Variants in RTN4 observed in about 807,000 individuals in gnomAD.
RTN4 encodes the protein reticulon-4.
In RTN4, 32 loss-of-function variants were observed where a neutral mutation model predicts 90.4. That is an observed-to-expected ratio of 0.35 (90% CI 0.27 to 0.48). The LOEUF is 0.48. Ranked by LOEUF, RTN4 falls within the 20% of genes least tolerant of loss-of-function variation. RTN4 has a pLI of 0.99. For synonymous variants in RTN4, 629 were observed against 552.5 expected (o/e 1.14, Z -1.94); for missense variants, 1,706 against 1,430.2 (o/e 1.19, Z -3.11).
At chr2:55,016,614 T>A (rs1023408170) in intron 3 of RTN4, among the ~76,000 whole-genome samples, 1 of 152,050 alleles carries the variant, frequency 6.6e-6, no homozygotes, top group African/African-American at 2.4e-5. Flanking sequence ...CACATGTGCA[T>A]TGAAAGTAGA....
chr2:55,050,023 G>A lies in RTN4; in HGVS notation c.278C>T (p.Pro93Leu). The A allele has an allele frequency of 5.8e-6, 8 of 1,391,232 alleles. No homozygotes were observed. The South Asian group carries it at 1.1e-4, about 19-fold the overall frequency. The allele number at this position is 1,391,232 out of a possible 1,614,324, so 86.2% of individuals were successfully genotyped here. A position where few individuals can be genotyped will look rare whatever the true frequency, so the allele number is the denominator to read the frequency against. ...GGCGACGGGGGGAGCGGCCGGCAGGGGTCCCCGGGGCGCCGGCGGCACGAA... is the reference window on the plus strand; with the variant it reads ...GGCGACGGGGGGAGCGGCCGGCAGGAGTCCCCGGGGCGCCGGCGGCACGAA... Reference protein sequence around the residue: ...NDFVPPAPRGPLPAAPPVAPE... With the variant: ...NDFVPPAPRGLLPAAPPVAPE... The change falls in exon 1 of 9, where the codon CCC becomes CTC. Residue 93 changes from proline (P) to leucine (L), a missense_variant. Coordinates refer to ENST00000337526, the MANE Select transcript of RTN4 (RefSeq NM_020532.5). The surrounding 1 kb of genome is among the most constrained non-coding windows in gnomAD (Gnocchi z 4.6).
chr2:54,982,775 C>T (rs1227098550), intron 4 of RTN4, 122 bp from the exon 5 acceptor site: 2 of 1,056,542 alleles, frequency 1.9e-6, no homozygotes, highest in African/African-American at 3.3e-5. Context: ...CAACTGTTTC[C>T]AAATTAGGGG....
intron 1 of RTN4, among the ~76,000 whole-genome samples, chr2:55,041,309 G>A (rs573443525): frequency 5.9e-5 from 9 of 151,866 alleles, no homozygotes; most frequent in South Asian, 4.2e-4. Flanking sequence ...TATCAACACC[G>A]AATGTATTTC....
chr2:55,137,808 C>T, the RTN4 span, among the ~76,000 whole-genome samples: 2 of 152,162 alleles, frequency 1.3e-5, no homozygotes, highest in African/African-American at 4.8e-5. Context: ...CGGAACCTGC[C>T]GCAGGCCTGT....
chr2:55,085,639 A>G (rs537482574), intron 1 of RTN4, among the ~76,000 whole-genome samples: 2 of 152,284 alleles, frequency 1.3e-5, no homozygotes, highest in South Asian at 4.1e-4. Flanking sequence ...TGCTCAAATA[A>G]CTGGGCACCA....
intron 1 of RTN4, among the ~76,000 whole-genome samples, chr2:55,086,486 T>C (rs1668840095): frequency 1.1e-5 from 1 of 88,388 alleles, no homozygotes; most frequent in South Asian, 4.0e-4. Context: ...CATAGCCTGA[T>C]CTAATCTCTA....
intron 6 of RTN4, 71 bp downstream of exon 6, chr2:54,974,624 A>G (rs940275160): frequency 1.6e-6 from 2 of 1,214,880 alleles, no homozygotes; most frequent in Non-Finnish European, 2.4e-6. Flanking sequence ...AATATTCTCC[A>G]CTAAAATGTC....
At chr2:55,030,663 G>C (rs970790380) in intron 1 of RTN4, among the ~76,000 whole-genome samples, 7 of 152,164 alleles carry the variant, frequency 4.6e-5, no homozygotes, top group African/African-American at 1.7e-4. Context: ...CTAAGTCACA[G>C]AACTAGGAGG....
chr2:55,042,337 G>C (rs1441444732), intron 1 of RTN4, among the ~76,000 whole-genome samples: 1 of 152,088 alleles, frequency 6.6e-6, no homozygotes, highest in Non-Finnish European at 1.5e-5. Flanking sequence ...GTGTATACAA[G>C]AGTGTTCACA....
intron 3 of RTN4, among the ~76,000 whole-genome samples, chr2:55,021,642 C>T (rs1192746451): frequency 6.6e-6 from 1 of 152,092 alleles, no homozygotes; most frequent in Non-Finnish European, 1.5e-5. Context: ...CTGCTTTTAA[C>T]AGATGCCTGT....
At chr2:55,124,230 G>T in the RTN4 span, among the ~76,000 whole-genome samples, 3 of 152,180 alleles carry the variant, frequency 2.0e-5, no homozygotes, top group East Asian at 5.8e-4. Flanking sequence ...TCCTGAGGAG[G>T]GGGCATAGCA....
chr2:55,046,543 C>T (rs547119819), intron 1 of RTN4, among the ~76,000 whole-genome samples: 1 of 152,168 alleles, frequency 6.6e-6, no homozygotes, highest in Non-Finnish European at 1.5e-5. Context: ...CCATAAATCC[C>T]CATCATTCTC....
intron 5 of RTN4, among the ~76,000 whole-genome samples, 156 bp from the exon 6 acceptor site, chr2:54,974,920 G>C (rs1195750156): frequency 6.6e-6 from 1 of 152,154 alleles, no homozygotes; most frequent in Non-Finnish European, 1.5e-5. Context: ...TAAGTCACGA[G>C]TCTCAATTAT....
At chr2:55,113,062 G>A (rs1668066266), upstream of RTN4, among the ~76,000 whole-genome samples, 2 of 152,200 alleles carry the variant, frequency 1.3e-5, no homozygotes, top group African/African-American at 2.4e-5. Flanking sequence ...GCCACACTGT[G>A]ATTCCAGGGC....
In RTN4 at chr2:55,025,461, C is replaced by A. The variant is rs994258366; in HGVS notation, c.2638G>T (p.Asp880Tyr). The change falls in exon 3 of 9, where the codon GAT (aspartate) becomes TAT (tyrosine). Residue 880 changes from aspartate to tyrosine, a missense_variant. Transcript: ENST00000337526. The stretch of plus-strand genomic sequence containing the variant: ...TCCCTGGCTAATTTAGAAAATGAAT[C>A]AGTTTTAGAACTGATCAATGTAGGG... ...EFPTLISSKT[D>Y]SFSKLAREYT... The A allele has an allele frequency of 1.9e-6, 3 of 1,613,588 alleles. No homozygotes were observed. The African/African-American group carries it at 4.0e-5, about 22-fold the overall frequency.
chr2:54,996,650 T>C (rs559167938), intron 3 of RTN4, among the ~76,000 whole-genome samples: 3 of 152,252 alleles, frequency 2.0e-5, no homozygotes, highest in African/African-American at 4.8e-5. Context: ...ACAAATGACG[T>C]TGGATTCTTC....
At chr2:55,132,787 C>T in the RTN4 span, among the ~76,000 whole-genome samples, 2 of 137,788 alleles carry the variant, frequency 1.5e-5, no homozygotes, top group African/African-American at 5.7e-5. Flanking sequence ...GCACTCCAGC[C>T]TGGGCCACAG....
chr2:55,044,382 C>A (rs1683276560), intron 1 of RTN4, among the ~76,000 whole-genome samples: 2 of 151,764 alleles, frequency 1.3e-5, no homozygotes, highest in Non-Finnish European at 2.9e-5. Flanking sequence ...CAGAGTAAGA[C>A]TCTGTCTCAA....
At chr2:54,991,992 T>A (rs991043515) in intron 3 of RTN4, among the ~76,000 whole-genome samples, 2 of 152,208 alleles carry the variant, frequency 1.3e-5, no homozygotes, top group African/African-American at 4.8e-5. Context: ...ACCTCCTTTA[T>A]GCCAAACACT....
Sources: gnomAD v4.1 joint callset for allele counts (sites outside exome capture counted in the v4.1 genomes callset) on GRCh38, gnomAD v4.1.1 for gene constraint, Gnocchi (gnomAD v3.1) non-coding constraint, MANE v1.5 for transcripts, NCBI Gene and HGNC (gene_info 2026-07-23, HGNC 2026-07-21) for gene names.